The following CENPC variants were observed in gnomAD, a reference collection of about 807,000 sequenced individuals.
CENPC encodes the protein centromere protein C.
A neutral mutation model predicts 112.1 loss-of-function variants in CENPC; 63 were observed. The ratio of observed to expected loss-of-function variants is 0.56; its 90% CI spans 0.46 to 0.69. The LOEUF (loss-of-function observed/expected upper bound fraction) is 0.69, where lower values mean the gene tolerates loss of function less well. Ranked by LOEUF, CENPC falls within the 30% of genes least tolerant of loss-of-function variation. CENPC has a pLI of 0.00. For missense variants in CENPC, 1,000 were observed against 1,103.8 expected (o/e 0.91, Z 1.33); for synonymous variants, 333 against 367.6 (o/e 0.91, Z 1.08).
At chr4:67,526,824 T>C (rs62301099) in intron 5 of CENPC, among the ~76,000 whole-genome samples, 29,241 of 152,138 alleles carry the variant, frequency 0.19, 3,501 homozygotes, top group Non-Finnish European at 0.27. Context: ...CATTTATAGA[T>C]AACTACACCC....
At chr4:67,499,699 T>C (rs1725538679) in intron 12 of CENPC, among the ~76,000 whole-genome samples, 1 of 152,188 alleles carries the variant, frequency 6.6e-6, no homozygotes. Context: ...GTAGTAGCAC[T>C]TTTCTTTTCC....
At chr4:67,489,688 C>T (rs1393298398) in intron 17 of CENPC, among the ~76,000 whole-genome samples, 1 of 152,014 alleles carries the variant, frequency 6.6e-6, no homozygotes, top group East Asian at 1.9e-4. Flanking sequence ...CACTAAAATT[C>T]TAATGATTTG....
rs749227624 is a variant in CENPC at position 67,519,303 on chromosome 4, A to G, written c.531T>C (p.Ser177=). ...AAGTGTAAGTCTCTCTCTTTTGGGCACTAGATGGAATAACATTTTGTGATA... is the reference window on the plus strand; with the variant it reads ...AAGTGTAAGTCTCTCTCTTTTGGGCGCTAGATGGAATAACATTTTGTGATA... The part of the protein sequence containing the change: ...TSVSQNVIPS[S]AQKRETYTFE... The change falls in exon 6 of 19, where the codon AGT becomes AGC. Residue 177 remains serine, a synonymous_variant. Transcript: ENST00000273853. The G allele has an allele frequency of 6.2e-7, 1 of 1,612,502 alleles. No individual in the cohort carries two copies. The highest frequency in any genetic ancestry group is 2.2e-5 in the East Asian group (1 of 44,762).
intron 1 of CENPC, 43 bp from the exon 2 acceptor site, chr4:67,544,238 A>G: frequency 9.1e-7 from 1 of 1,094,058 alleles, no homozygotes; most frequent in Non-Finnish European, 1.4e-6. Context: ...TTTAAGATAG[A>G]GTCGAGTAAA....
intron 17 of CENPC, among the ~76,000 whole-genome samples, chr4:67,481,366 A>G (rs1443707973): frequency 4.6e-5 from 7 of 152,186 alleles, no homozygotes; most frequent in African/African-American, 1.7e-4. Context: ...TCCCATCAAA[A>G]TACTATCATC....
At chr4:67,491,498 G>T (rs1166017427) in intron 16 of CENPC, among the ~76,000 whole-genome samples, 45 of 128,828 alleles carry the variant, frequency 3.5e-4, no homozygotes, top group Middle Eastern at 3.8e-3. Flanking sequence ...GAGAGAGAGA[G>T]AGAGAGAGAG....
In CENPC at chr4:67,512,434, G is replaced by A. The variant is rs920266566; in HGVS notation, c.1580C>T (p.Pro527Leu). The A allele has an allele frequency of 6.3e-7, 1 of 1,599,644 alleles. No individual in the cohort carries two copies. Among genetic ancestry groups the A allele is most frequent in the Non-Finnish European group, 8.5e-7 (1 of 1,173,498 alleles). The change falls in exon 9 of 19, where the codon CCA becomes CTA. Residue 527 changes from proline (P) to leucine (L), a missense_variant. Physicochemically the swap from Pro to Leu is moderately conservative, Grantham distance 98. Coordinates refer to ENST00000273853, the MANE Select transcript of CENPC (RefSeq NM_001812.4). ...VTKSRRISRR[P>L]SDWWVVKSEE... ...TGATTTTACCACCCACCAATCAGAT[G>A]GACGCCTGGAAATTCTTCGACTTTT...
intron 1 of CENPC, 50 bp downstream of exon 1, chr4:67,545,287 GC>G: frequency 2.1e-6 from 3 of 1,451,280 alleles, no homozygotes; most frequent in South Asian, 1.4e-5. Flanking sequence ...GGGCGCCCGT[GC>G]CCCAGCCAGC....
rs771469970 is a variant in CENPC at position 67,509,105 on chromosome 4, C to A, written c.1613G>T (p.Ser538Ile). The change falls in exon 10 of 19, where the codon AGT becomes ATT. Residue 538 changes from serine (S) to isoleucine (I), a missense_variant and splice_region_variant. Ser to Ile is a moderately radical substitution (Grantham distance 142, BLOSUM62 -2). Coordinates refer to ENST00000273853, the MANE Select transcript of CENPC (RefSeq NM_001812.4). ...SDWWVVKSEE[S>I]PVYSNSSVRN... Reference sequence around the variant, plus strand: ...TACTGAAGAATTGCTATAAACAGGACCTGAAGGATTCAATGATAACCTAAA... The same window carrying A: ...TACTGAAGAATTGCTATAAACAGGAACTGAAGGATTCAATGATAACCTAAA... 2.5e-6 allele frequency: 4 copies of A among 1,598,384 alleles called. 1 individual carries two copies. In the South Asian group the frequency reaches 4.4e-5, roughly 18 times the overall value.
At chr4:67,509,147 A>G in intron 9 of CENPC, 42 bp from the exon 10 acceptor site, 1 of 1,502,354 alleles carries the variant, frequency 6.7e-7, no homozygotes, top group Non-Finnish European at 9.0e-7. Context: ...AAGTTTGTCC[A>G]GATGATTTGG....
intron 5 of CENPC, among the ~76,000 whole-genome samples, chr4:67,526,990 T>G (rs984443541): frequency 6.6e-6 from 1 of 152,106 alleles, no homozygotes; most frequent in Non-Finnish European, 1.5e-5. Context: ...AAAGATAATA[T>G]GAAATTACCA....
chr4:67,495,083 A>T, intron 13 of CENPC, 76 bp downstream of exon 13: 3 of 1,296,052 alleles, frequency 2.3e-6, no homozygotes, highest in Non-Finnish European at 3.1e-6. Flanking sequence ...GCTTAAGAAG[A>T]AATAAGTTAT....
chr4:67,539,510 T>C (rs1726822088), intron 4 of CENPC, among the ~76,000 whole-genome samples: 1 of 152,134 alleles, frequency 6.6e-6, no homozygotes. Flanking sequence ...AGTGCCTTCA[T>C]TTATTAGAAT....
intron 12 of CENPC, among the ~76,000 whole-genome samples, chr4:67,495,669 AC>A (rs1395632533): frequency 3.3e-5 from 5 of 152,234 alleles, no homozygotes; most frequent in East Asian, 1.9e-4. Context: ...AACAAAAAAA[AC>A]AACAGATTTT....
intron 16 of CENPC, 83 bp from the exon 17 acceptor site, chr4:67,490,204 A>T (rs1359341991): frequency 9.8e-6 from 9 of 923,060 alleles, no homozygotes; most frequent in African/African-American, 1.7e-5. Context: ...TATAATAAAG[A>T]GTCATTTCTG....
intron 5 of CENPC, 68 bp downstream of exon 5, chr4:67,530,747 T>C (rs186161973): frequency 1.4e-6 from 1 of 700,922 alleles, no homozygotes; most frequent in Non-Finnish European, 2.3e-6. Flanking sequence ...AAGCAACACA[T>C]GCACCATTAG....
chr4:67,472,769 G>A (rs1724702263), intron 18 of CENPC, 94 bp from the exon 19 acceptor site: 17 of 1,244,146 alleles, frequency 1.4e-5, no homozygotes, highest in Non-Finnish European at 1.6e-5. Flanking sequence ...TTGTAGTATA[G>A]GACACAAGAT....
intron 9 of CENPC, chr4:67,510,888 C>A (rs111711142): frequency 2.4e-5 from 10 of 409,560 alleles, no homozygotes; most frequent in African/African-American, 6.2e-5. Context: ...AAAAATCCAA[C>A]ATCTATTTCA....
intron 12 of CENPC, 74 bp downstream of exon 12, chr4:67,505,131 A>T: frequency 9.4e-7 from 1 of 1,068,318 alleles, no homozygotes. Context: ...TGACAATGTA[A>T]ACAAAACATA....
Sources: allele counts gnomAD v4.1 joint callset (sites outside exome capture counted in the v4.1 genomes callset), GRCh38; gene constraint gnomAD v4.1.1; transcripts MANE v1.5; gene names NCBI Gene and HGNC (gene_info 2026-07-23, HGNC 2026-07-21).